Variants in RAD52 observed in about 807,000 individuals in gnomAD.
The protein encoded by RAD52 is DNA repair protein RAD52 homolog.
In RAD52, 47 loss-of-function variants were observed where a neutral mutation model predicts 55.5. The observed-to-expected ratio is 0.85, with a 90% CI of 0.67 to 1.08. The LOEUF is 1.08. Ranked by LOEUF, RAD52 falls within the 50% of genes least tolerant of loss-of-function variation. RAD52 has a pLI of 0.00. For missense variants in RAD52, 468 were observed against 522.8 expected, an observed-to-expected ratio of 0.90 and a Z score of 1.02; for synonymous variants, 184 against 198.9, an observed-to-expected ratio of 0.92 and a Z score of 0.63.
chr12:954,434 C>G (rs1044851823), upstream of RAD52, among the ~76,000 whole-genome samples: 1 of 152,130 alleles, frequency 6.6e-6, no homozygotes, highest in African/African-American at 2.4e-5. Flanking sequence ...GAGTTTGAGA[C>G]CAGCCTGGCC....
chr12:915,570 GA>G (rs1956315993), intron 9 of RAD52, among the ~76,000 whole-genome samples: 2 of 152,168 alleles, frequency 1.3e-5, no homozygotes, highest in Non-Finnish European at 2.9e-5. Flanking sequence ...AAGAAAGAAA[GA>G]AGGCATCTGT....
chr12:944,571 T>A (rs1456980041), intron 1 of RAD52, among the ~76,000 whole-genome samples: 1 of 149,040 alleles, frequency 6.7e-6, no homozygotes, highest in Admixed American at 6.7e-5. Context: ...ATCCCAAAAT[T>A]CTGATAGGTG....
rs528469797 is a variant in RAD52 at position 984,341 on chromosome 12, G to A, written c.-19+5468C>T. On this transcript the variant is annotated intron_variant, in intron 1 of 11. Coordinates refer to the RAD52 transcript ENST00000430095. ...CTCCCGAATAGCTGGGATTCTAGGT[G>A]CCTGCCACCACACCCAGCTAATTTT... Among the ~76,000 whole-genome samples, 121 of 152,148 alleles carry A rather than the reference G, an allele frequency of 8.0e-4. 1 individual carries two copies. Among genetic ancestry groups the A allele is most frequent in the Non-Finnish European group, 1.6e-3 (109 of 68,016 alleles).
chr12:962,173 T>C (rs960727108), intron 1 of RAD52, among the ~76,000 whole-genome samples: 1 of 152,162 alleles, frequency 6.6e-6, no homozygotes, highest in Admixed American at 6.5e-5. Context: ...TGGTCTACTG[T>C]GTAGGACATT....
At chr12:944,236 T>C (rs1958073054) in intron 1 of RAD52, among the ~76,000 whole-genome samples, 1 of 149,438 alleles carries the variant, frequency 6.7e-6, no homozygotes, top group African/African-American at 2.5e-5. Flanking sequence ...AGAAAGAAAT[T>C]AAGTAGCCAG....
In RAD52 at chr12:916,691, G is replaced by A. The variant is rs751191503; in HGVS notation, c.673C>T (p.Pro225Ser). ...GHPQLQQVTS[P>S]SRPSHAVIPA... is the part of the protein sequence containing the mutation. ...ATCACAGCATGGCTGGGTCTGGAAGGGGAGGTCACCTGCTGCAGCTGTGGG... is the reference window on the plus strand; with the variant it reads ...ATCACAGCATGGCTGGGTCTGGAAGAGGAGGTCACCTGCTGCAGCTGTGGG... Residue 225 changes from proline to serine, a missense_variant, in exon 8 of 12, where the codon CCT (proline) becomes TCT (serine). Pro to Ser is a moderately conservative substitution (Grantham distance 74). Coordinates refer to ENST00000358495, the MANE Select transcript of RAD52 (RefSeq NM_134424.4). 4 of 1,613,984 alleles carry A rather than the reference G, an allele frequency of 2.5e-6. No homozygotes were observed. The highest frequency in any genetic ancestry group is 2.7e-5 in the African/African-American group (2 of 74,908).
In RAD52 at chr12:927,230, C is replaced by G; in HGVS notation, c.382G>C (p.Val128Leu). ...GSYHEDVGYG[V>L]SEGLKSKALS... ...GCCTTGGACTTGAGGCCCTCACTAA[C>G]ACCATAACCAACATCTTCATGATAT... is the stretch of plus-strand genomic sequence containing the variant. Residue 128 changes from valine (V) to leucine (L), a missense_variant, in exon 6 of 12, where the codon GTT becomes CTT. By Grantham distance (32) the Val-to-Leu change is conservative (BLOSUM62 1). Coordinates refer to ENST00000358495, the MANE Select transcript of RAD52 (RefSeq NM_134424.4). 6.2e-7 allele frequency: 1 copy of G among 1,614,156 alleles called. No individual in the cohort carries two copies. Among genetic ancestry groups the G allele is most frequent in the South Asian group, 1.1e-5 (1 of 91,086 alleles).
At chr12:932,787 C>T (rs11571402) in intron 2 of RAD52, among the ~76,000 whole-genome samples, 188 bp downstream of exon 2, 1,939 of 150,328 alleles carry the variant, frequency 0.013, 53 homozygotes, top group East Asian at 0.054. Flanking sequence ...CCCCCGCACG[C>T]ACCGCGTCAA....
intron 7 of RAD52, among the ~76,000 whole-genome samples, chr12:920,716 C>T (rs1269700337): frequency 2.0e-5 from 3 of 152,124 alleles, no homozygotes; most frequent in Non-Finnish European, 4.4e-5. Flanking sequence ...CTTCACTACT[C>T]AACTTTCAAT....
rs1468991380 is a variant in RAD52, at chr12:983,120, G to A, written c.-19+6689C>T. Among the ~76,000 whole-genome samples, 12 of 152,246 alleles carry A rather than the reference G, an allele frequency of 7.9e-5. No homozygotes were observed. The East Asian group carries it at 1.9e-3, about 25-fold the overall frequency. ...CCGCCTCAGCCTCCCGAAGTGCTGA[G>A]ATTACAGGTGTGAGCAGCTGCACAC... On this transcript the variant is annotated intron_variant, in intron 1 of 11. Coordinates refer to the RAD52 transcript ENST00000430095.
At chr12:922,171 T>A (rs1956764246) in intron 7 of RAD52, among the ~76,000 whole-genome samples, 1 of 106,152 alleles carries the variant, frequency 9.4e-6, no homozygotes, top group South Asian at 3.3e-4. Context: ...CAATAAAATA[T>A]CACGCCCATT....
upstream of RAD52, among the ~76,000 whole-genome samples, chr12:952,510 T>G (rs1390848202): frequency 1.3e-5 from 2 of 152,152 alleles, no homozygotes; most frequent in Admixed American, 1.3e-4. Flanking sequence ...GAATGTGACC[T>G]TAATTAGAGA....
intron 1 of RAD52, among the ~76,000 whole-genome samples, chr12:936,485 T>TAA (rs71055107): frequency 0.45 from 61,021 of 134,316 alleles, 13,768 homozygotes; most frequent in African/African-American, 0.48. Context: ...ATTATAAAAG[T>TAA]AAAAAAAAAA....
intron 1 of RAD52, among the ~76,000 whole-genome samples, chr12:941,275 A>C (rs539838818): frequency 3.3e-5 from 5 of 152,348 alleles, no homozygotes; most frequent in Non-Finnish European, 5.9e-5. Context: ...ATTTAACAAA[A>C]TATGTATAAG....
At chr12:944,666 T>A (rs1221522945) in intron 1 of RAD52, among the ~76,000 whole-genome samples, 1 of 149,636 alleles carries the variant, frequency 6.7e-6, no homozygotes, top group African/African-American at 2.5e-5. Flanking sequence ...ACTAGGATAG[T>A]GGCTATGGCA....
chr12:931,078 T>A, intron 3 of RAD52, 142 bp downstream of exon 3: 1 of 591,488 alleles, frequency 1.7e-6, no homozygotes. Flanking sequence ...CTGGAACCCA[T>A]CCCCTCCCAG....
chr12:920,846 C>T (rs1458059984), intron 7 of RAD52, among the ~76,000 whole-genome samples: 1 of 152,160 alleles, frequency 6.6e-6, no homozygotes, highest in Non-Finnish European at 1.5e-5. Context: ...GCAGAAAATA[C>T]ATTCTTCTCA....
chr12:971,828 G>A (rs60773327), intron 1 of RAD52, among the ~76,000 whole-genome samples: 5,501 of 151,814 alleles, frequency 0.036, 266 homozygotes, highest in African/African-American at 0.11. Flanking sequence ...GCTCACTGCA[G>A]GCTCCGCCCC....
At position 961,094 on chromosome 12, in the gene RAD52, G is replaced by A. The variant is rs542408798; in HGVS notation, c.-18-28018C>T. ...GCACTTTGGGAGGCAGAGGCGGGCC[G>A]ATCACCTGAGGTCAGGAGTGACCAG... is the stretch of plus-strand genomic sequence containing the variant. On this transcript the variant is annotated intron_variant, in intron 1 of 11. Transcript: ENST00000430095. 3.4e-4 allele frequency among the ~76,000 whole-genome samples: 52 copies of A among 151,792 alleles called. No homozygotes were observed. The East Asian group carries it at 9.1e-3, about 27-fold the overall frequency.
Sources: gnomAD v4.1 joint callset for allele counts (sites outside exome capture counted in the v4.1 genomes callset) on GRCh38, gnomAD v4.1.1 for gene constraint, MANE v1.5 for transcripts, NCBI Gene and HGNC (gene_info 2026-07-23, HGNC 2026-07-21) for gene names.